Variants in GNPNAT1 observed in about 807,000 individuals in gnomAD.
GNPNAT1 encodes glucosamine 6-phosphate N-acetyltransferase.
GNPNAT1 carries 11 observed loss-of-function variants against 19.8 expected under a neutral mutation model. That is an observed-to-expected ratio of 0.56 (90% CI 0.35 to 0.92). The LOEUF (loss-of-function observed/expected upper bound fraction) is 0.92, where lower values mean the gene tolerates loss of function less well. Among genes scored for constraint, GNPNAT1 ranks in the 40% least tolerant of loss-of-function variants. The pLI, the probability that GNPNAT1 is intolerant of heterozygous loss-of-function variation, is 0.01. For synonymous variants in GNPNAT1, 71 were observed against 72.3 expected (o/e 0.98, Z 0.09); for missense variants, 157 against 211.0 (o/e 0.74, Z 1.59).
chr14:52,778,507 AAAT>A, intron 5 of GNPNAT1, 49 bp from the exon 6 acceptor site: 1 of 1,467,114 alleles, frequency 6.8e-7, no homozygotes, highest in Non-Finnish European at 9.3e-7. Context: ...TTATTAATAA[AAAT>A]TGATTCTAGT....
At chr14:52,778,523 CAA>C (rs1439141370) in intron 5 of GNPNAT1, 65 bp from the exon 6 acceptor site, 5 of 1,352,220 alleles carry the variant, frequency 3.7e-6, no homozygotes, top group South Asian at 1.3e-5. Context: ...ATTCTAGTAA[CAA>C]TATGAATTAA....
intron 1 of GNPNAT1, among the ~76,000 whole-genome samples, chr14:52,788,305 TG>T (rs1883071206): frequency 6.6e-6 from 1 of 152,078 alleles, no homozygotes; most frequent in African/African-American, 2.4e-5. Context: ...GGCTAATTTT[TG>T]TATTTTTAGT....
Position 52,781,766 on chromosome 14 carries a change from T to C in GNPNAT1, c.345+18A>G, listed in dbSNP as rs370569541. ...TGCTAGAAAACAGCTGTCCATTTTA[T>C]TTATAAGCAGCACATACCTTAGCAC... On this transcript the variant is annotated intron_variant, in intron 4 of 5. Transcript: ENST00000216410. The C allele has an allele frequency of 2.0e-4, 307 of 1,569,556 alleles. No homozygotes were observed. Among genetic ancestry groups the C allele is most frequent in the Non-Finnish European group, 2.6e-4 (299 of 1,166,560 alleles).
At chr14:52,785,665 T>C (rs1286369488) in intron 1 of GNPNAT1, among the ~76,000 whole-genome samples, 1 of 150,638 alleles carries the variant, frequency 6.6e-6, no homozygotes, top group Non-Finnish European at 1.5e-5. Flanking sequence ...GCAGAGGTTG[T>C]GGTGAGTTGA....
At chr14:52,788,340 G>GA (rs1203271555) in intron 1 of GNPNAT1, among the ~76,000 whole-genome samples, 1 of 151,194 alleles carries the variant, frequency 6.6e-6, no homozygotes, top group Non-Finnish European at 1.5e-5. Context: ...TGCCATGTTG[G>GA]AAAGGCTGGT....
rs558666326 is a variant in GNPNAT1, at chr14:52,789,888, GA to G, written c.-15+1539del. Among the ~76,000 whole-genome samples, 13 of 147,158 alleles carry G rather than the reference GA, an allele frequency of 8.8e-5. No individual in the cohort carries two copies. In the East Asian group the frequency reaches 2.6e-3, roughly 30 times the overall value. ...TAACTGCTAAATTAGCAGGCGTTTA[GA>G]AGACCCGTTTAAGCCTAACCCTAGC... On this transcript the variant is annotated intron_variant, in intron 1 of 5. Transcript: ENST00000216410.
intron 1 of GNPNAT1, among the ~76,000 whole-genome samples, chr14:52,789,193 C>A (rs1392735362): frequency 1.3e-5 from 2 of 152,184 alleles, no homozygotes; most frequent in African/African-American, 4.8e-5. Context: ...TGATACCCTG[C>A]TGCCACTGTT....
At chr14:52,778,885 C>T (rs1475217143) in intron 5 of GNPNAT1, among the ~76,000 whole-genome samples, 2 of 152,062 alleles carry the variant, frequency 1.3e-5, no homozygotes, top group East Asian at 1.9e-4. Flanking sequence ...CATGATGGCA[C>T]ATGCCTAAAG....
chr14:52,778,276 G>A lies in GNPNAT1; in HGVS notation c.*35C>T. ...ACTCTAGGAAGAGTGTAGCCTTGTA[G>A]CATTAGCCCCTTTGACAATTTTCTT... On this transcript the variant is annotated 3_prime_UTR_variant, in exon 6 of 6. Coordinates refer to ENST00000216410, the MANE Select transcript of GNPNAT1 (RefSeq NM_198066.4). 1 of 1,520,350 alleles carries A rather than the reference G, an allele frequency of 6.6e-7. No homozygotes were observed. Among genetic ancestry groups the A allele is most frequent in the Non-Finnish European group, 8.9e-7 (1 of 1,124,880 alleles). 94.2% of individuals were successfully genotyped at this position (1,520,350 alleles called of 1,614,324 possible). A position where few individuals can be genotyped will look rare whatever the true frequency, so the allele number is the denominator to read the frequency against.
chr14:52,780,695 T>C lies in GNPNAT1; in HGVS notation c.391A>G (p.Lys131Glu). The change falls in exon 5 of 6, where the codon AAG (lysine) becomes GAG (glutamate). Residue 131 changes from lysine (K) to glutamate (E), a missense_variant. Transcript: ENST00000216410. ...CCTACTTACAATTTGCCAAGCTGCT[T>C]TCCTCTGCATTCATCACTAACAACA... ...DVVVSDECRG[K>E]QLGKLLLSTL... is the part of the protein sequence containing the mutation. 1.2e-6 allele frequency: 2 copies of C among 1,607,464 alleles called. No homozygotes were observed. The highest frequency in any genetic ancestry group is 1.7e-6 in the Non-Finnish European group (2 of 1,174,554).
At chr14:52,779,787 T>A (rs2139961301) in intron 5 of GNPNAT1, among the ~76,000 whole-genome samples, 2 of 150,050 alleles carry the variant, frequency 1.3e-5, no homozygotes, top group Middle Eastern at 3.5e-3. Flanking sequence ...GAAATCGGTC[T>A]GTTTTGTTCA....
Position 52,778,116 on chromosome 14 carries a change from A to C in GNPNAT1, c.*195T>G, listed in dbSNP as rs1882782507. The stretch of plus-strand genomic sequence containing the variant: ...AAAAATCATCCCCTTTATAATATTC[A>C]TTTGTAATCTAAATTCACAGCATGT... On this transcript the variant is annotated 3_prime_UTR_variant, in exon 6 of 6. Transcript: ENST00000216410. 2.6e-6 allele frequency: 1 copy of C among 378,710 alleles called. No homozygotes were observed. Among genetic ancestry groups the C allele is most frequent in the African/African-American group, 2.1e-5 (1 of 47,642 alleles). The allele number at this position is 378,710 out of a possible 1,614,324, so 23.5% of individuals were successfully genotyped here. A position where few individuals can be genotyped will look rare whatever the true frequency, so the allele number is the denominator to read the frequency against.
At chr14:52,785,006 A>G (rs1180099090) in intron 1 of GNPNAT1, among the ~76,000 whole-genome samples, 2 of 150,692 alleles carry the variant, frequency 1.3e-5, no homozygotes, top group Middle Eastern at 3.2e-3. Flanking sequence ...GCTCACTGCA[A>G]CCTCTGCCTT....
At chr14:52,779,276 T>C (rs1882820925) in intron 5 of GNPNAT1, among the ~76,000 whole-genome samples, 1 of 152,164 alleles carries the variant, frequency 6.6e-6, no homozygotes, top group South Asian at 2.1e-4. Flanking sequence ...ACAAAGCAAG[T>C]CTACATCTAT....
In GNPNAT1 at chr14:52,791,461, G is replaced by A. The variant is rs1285323250; in HGVS notation, c.-48C>T. ...GCCCTGCGGTCGGCGCTCCTAGCCA[G>A]GCGCGTCGGACTCTCCCCCACCAGT... On this transcript the variant is annotated 5_prime_UTR_variant, in exon 1 of 6. Transcript: ENST00000216410. This position sits in a 1 kb window ranked among gnomAD's most constrained non-coding sequence, Gnocchi z 4.1. The A allele has an allele frequency of 1.3e-5, 2 of 152,474 alleles. No homozygotes were observed. Among genetic ancestry groups the A allele is most frequent in the East Asian group, 3.9e-4 (2 of 5,182 alleles). The allele number at this position is 152,474 out of a possible 1,614,324, so 9.4% of individuals were successfully genotyped here.
rs1882772975 is a variant in GNPNAT1, at chr14:52,777,773, T to G, written c.*538A>C. The G allele has an allele frequency of 6.6e-6, 1 of 152,238 alleles. No individual in the cohort carries two copies. The highest frequency in any genetic ancestry group is 1.9e-4 in the East Asian group (1 of 5,208). 9.4% of individuals were successfully genotyped at this position (152,238 alleles called of 1,614,324 possible). A position where few individuals can be genotyped will look rare whatever the true frequency, so the allele number is the denominator to read the frequency against. On this transcript the variant is annotated 3_prime_UTR_variant, in exon 6 of 6. Coordinates refer to ENST00000216410, the MANE Select transcript of GNPNAT1 (RefSeq NM_198066.4). ...TTCTACTTCAAAAGGTTGACCAGGT[T>G]GTTTGCCTGTATTGGGATCAACGAA...
intron 1 of GNPNAT1, among the ~76,000 whole-genome samples, chr14:52,786,192 C>G (rs1456354643): frequency 1.3e-5 from 2 of 149,040 alleles, no homozygotes; most frequent in African/African-American, 2.5e-5. Context: ...ATTTTGTTTT[C>G]ACAGCAGATT....
At position 52,791,258 on chromosome 14, in the gene GNPNAT1, A is replaced by G. The variant is rs1883169004; in HGVS notation, c.-15+170T>C. ...CAACTTCCTGGGAACCGCGCTCCACACCATGTGCACCCAGCTGGCGAGGAT... is the reference window on the plus strand; with the variant it reads ...CAACTTCCTGGGAACCGCGCTCCACGCCATGTGCACCCAGCTGGCGAGGAT... On this transcript the variant is annotated intron_variant, in intron 1 of 5. Coordinates refer to ENST00000216410, the MANE Select transcript of GNPNAT1 (RefSeq NM_198066.4). The surrounding 1 kb of genome is among the most constrained non-coding windows in gnomAD (Gnocchi z 4.1). 6.6e-6 allele frequency among the ~76,000 whole-genome samples: 1 copy of G among 151,972 alleles called. No individual in the cohort carries two copies. Among genetic ancestry groups the G allele is most frequent in the African/African-American group, 2.4e-5 (1 of 41,374 alleles).
At chr14:52,779,724 T>TAAA (rs35906707) in intron 5 of GNPNAT1, among the ~76,000 whole-genome samples, 1,119 of 38,158 alleles carry the variant, frequency 0.029, 223 homozygotes, top group Middle Eastern at 0.062. Context: ...TCCCATCTCT[T>TAAA]AAAAAAAAAA....
Sources: gnomAD v4.1 joint callset for allele counts (sites outside exome capture counted in the v4.1 genomes callset) on GRCh38, gnomAD v4.1.1 for gene constraint, Gnocchi (gnomAD v3.1) non-coding constraint, MANE v1.5 for transcripts, NCBI Gene and HGNC (gene_info 2026-07-23, HGNC 2026-07-21) for gene names.